The following DENND1A variants were observed in gnomAD, a reference collection of about 807,000 sequenced individuals.
The protein encoded by DENND1A is DENN domain containing 1A, also known as DENN domain-containing protein 1A.
A neutral mutation model predicts 113.7 loss-of-function variants in DENND1A; 51 were observed. The observed-to-expected ratio is 0.45, with a 90% CI of 0.36 to 0.57. DENND1A has a LOEUF of 0.57. Ranked by LOEUF, DENND1A falls within the 20% of genes least tolerant of loss-of-function variation. DENND1A has a pLI of 0.00. For missense variants in DENND1A, 1,258 were observed against 1,395.9 expected, an observed-to-expected ratio of 0.90 and a Z score of 1.57; for synonymous variants, 565 against 570.8, an observed-to-expected ratio of 0.99 and a Z score of 0.14.
intron 9 of DENND1A, among the ~76,000 whole-genome samples, chr9:123,646,438 A>G (rs1039977085): frequency 2.6e-5 from 4 of 152,194 alleles, no homozygotes; most frequent in African/African-American, 9.7e-5. Flanking sequence ...GGGAGCTTCT[A>G]TAGCATGTTG....
chr9:123,524,273 T>C (rs1397767072), intron 13 of DENND1A, among the ~76,000 whole-genome samples: 2 of 152,322 alleles, frequency 1.3e-5, no homozygotes, highest in East Asian at 1.9e-4. Context: ...CTTTGGATAA[T>C]AAACGAATCA....
chr9:123,491,906 G>A (rs749386586), intron 13 of DENND1A: 2 of 152,258 alleles, frequency 1.3e-5, no homozygotes, highest in Admixed American at 6.5e-5. Flanking sequence ...TGGGCCAGTT[G>A]GCTTTGTCTT....
intron 5 of DENND1A, among the ~76,000 whole-genome samples, chr9:123,706,770 C>CA (rs575483682): frequency 0.067 from 3,599 of 53,474 alleles, 482 homozygotes; most frequent in Middle Eastern, 0.11. Context: ...GACTCCGTCT[C>CA]AAAAAAAAAA....
At chr9:123,717,170 G>T (rs2067028532) in intron 5 of DENND1A, among the ~76,000 whole-genome samples, 1 of 152,028 alleles carries the variant, frequency 6.6e-6, no homozygotes, top group South Asian at 2.1e-4. Context: ...TCAGATAGTT[G>T]GCAAGTGACA....
chr9:123,566,650 T>G (rs1415505833), intron 12 of DENND1A, among the ~76,000 whole-genome samples: 1 of 152,106 alleles, frequency 6.6e-6, no homozygotes, highest in Non-Finnish European at 1.5e-5. Flanking sequence ...AAGTGCAATT[T>G]TAAAACAAAA....
At position 123,623,466 on chromosome 9, in the gene DENND1A, G is replaced by T. The variant is rs752228628; in HGVS notation, c.719+6910C>A. Among the ~76,000 whole-genome samples, 65 of 152,064 alleles carry T rather than the reference G, an allele frequency of 4.3e-4. 1 individual carries two copies. Among genetic ancestry groups the T allele is most frequent in the Non-Finnish European group, 8.8e-5 (6 of 68,020 alleles). On this transcript the variant is annotated intron_variant, in intron 10 of 23. Transcript: ENST00000394215. ...TTTAATGGTTACATAGTTAATAAGAGATAAGACTAAGATTTGAATCCAGGT... is the reference window on the plus strand; with the variant it reads ...TTTAATGGTTACATAGTTAATAAGATATAAGACTAAGATTTGAATCCAGGT...
In DENND1A at chr9:123,450,674, G is replaced by A. The variant is rs1191614615; in HGVS notation, c.1356+19C>T. 9.4e-6 allele frequency: 15 copies of A among 1,604,168 alleles called. No homozygotes were observed. Among genetic ancestry groups the A allele is most frequent in the Non-Finnish European group, 1.1e-5 (13 of 1,175,776 alleles). ...TTCATACATGGTGCTTATACATTTT[G>A]AATAAGAACTTCAAGTACCTTTTGC... On this transcript the variant is annotated intron_variant, in intron 18 of 23. Transcript: ENST00000394215.
intron 19 of DENND1A, chr9:123,414,496 C>T (rs1017853278): frequency 1.9e-5 from 29 of 1,540,764 alleles, no homozygotes; most frequent in South Asian, 8.6e-5. Flanking sequence ...TCCTGGGAGA[C>T]GCATTGTGTG....
chr9:123,571,742 T>C (rs1469705162), intron 12 of DENND1A, among the ~76,000 whole-genome samples: 1 of 152,242 alleles, frequency 6.6e-6, no homozygotes, highest in East Asian at 1.9e-4. Context: ...TTGTTCTCTA[T>C]GAATACAGCT....
chr9:123,853,140 G>T (rs1382443698), intron 2 of DENND1A, among the ~76,000 whole-genome samples: 1 of 149,986 alleles, frequency 6.7e-6, no homozygotes, highest in African/African-American at 2.5e-5. Flanking sequence ...GGCTGGTCTC[G>T]AACTTCTGAC....
intron 13 of DENND1A, among the ~76,000 whole-genome samples, chr9:123,488,984 T>C (rs1048834230): frequency 3.3e-5 from 5 of 152,154 alleles, no homozygotes; most frequent in Admixed American, 2.0e-4. Context: ...ACATTTCCTA[T>C]AGCGAAGGCT....
intron 1 of DENND1A, among the ~76,000 whole-genome samples, chr9:123,882,078 C>G (rs1848389959): frequency 6.6e-6 from 1 of 152,126 alleles, no homozygotes; most frequent in South Asian, 2.1e-4. Flanking sequence ...CCTGTCTCCA[C>G]TCATTGCTTA....
chr9:123,457,447 AG>A lies in DENND1A; in HGVS notation c.1099-13del. The A allele has an allele frequency of 1.9e-6, 3 of 1,604,018 alleles. No homozygotes were observed. Among genetic ancestry groups the A allele is most frequent in the Non-Finnish European group, 2.6e-6 (3 of 1,170,784 alleles). On this transcript the variant is annotated splice_polypyrimidine_tract_variant and intron_variant, in intron 14 of 23. Coordinates refer to ENST00000394215, the MANE Select transcript of DENND1A (RefSeq NM_001352964.2). Reference sequence around the variant, plus strand: ...CGACCATCAATAAACTATAGAAAGAAGGAACAAAAGCACAACAGCTCGTACA... The same window carrying A: ...CGACCATCAATAAACTATAGAAAGAAGAACAAAAGCACAACAGCTCGTACA...
intron 1 of DENND1A, among the ~76,000 whole-genome samples, chr9:123,899,635 A>G (rs1851292169): frequency 6.6e-6 from 1 of 152,360 alleles, no homozygotes; most frequent in Middle Eastern, 3.4e-3. Context: ...TAAATATTTC[A>G]TAGTATTCCA....
chr9:123,868,408 A>G (rs1846081764), intron 2 of DENND1A, among the ~76,000 whole-genome samples: 1 of 152,212 alleles, frequency 6.6e-6, no homozygotes, highest in Non-Finnish European at 1.5e-5. Flanking sequence ...TCTTGCTTTA[A>G]ACAAAAGTAA....
intron 13 of DENND1A, among the ~76,000 whole-genome samples, chr9:123,496,915 G>A (rs911736923): frequency 2.0e-5 from 3 of 152,168 alleles, no homozygotes; most frequent in Non-Finnish European, 4.4e-5. Context: ...TTGGGTTGAG[G>A]ACCAGAATGT....
intron 5 of DENND1A, among the ~76,000 whole-genome samples, chr9:123,741,753 TC>T (rs1280229968): frequency 2.6e-4 from 39 of 152,172 alleles, no homozygotes. Context: ...TGAGTGTCAT[TC>T]AACAAATGAT....
intron 21 of DENND1A, 70 bp from the exon 22 acceptor site, chr9:123,387,928 C>T (rs761763535): frequency 3.1e-5 from 39 of 1,261,696 alleles, no homozygotes; most frequent in South Asian, 1.0e-4. Context: ...CACGTGCAGG[C>T]GGGAAGCAGG....
At chr9:123,822,369 A>C (rs1254828063) in intron 2 of DENND1A, among the ~76,000 whole-genome samples, 1 of 152,208 alleles carries the variant, frequency 6.6e-6, no homozygotes, top group South Asian at 2.1e-4. Flanking sequence ...ATAGTGGAAA[A>C]GGCCATGGTA....
Sources: allele counts gnomAD v4.1 joint callset (sites outside exome capture counted in the v4.1 genomes callset), GRCh38; gene constraint gnomAD v4.1.1; transcripts MANE v1.5; gene names NCBI Gene and HGNC (gene_info 2026-07-23, HGNC 2026-07-21).